Variants in MED13L observed in about 807,000 individuals in gnomAD.
MED13L encodes mediator of RNA polymerase II transcription subunit 13-like.
In MED13L, 7 loss-of-function variants were observed where a neutral mutation model predicts 220.9. That is an observed-to-expected ratio of 0.03 (90% CI 0.02 to 0.06). The LOEUF is 0.06. Ranked by LOEUF, MED13L falls within the 10% of genes least tolerant of loss-of-function variation. The pLI is 1.00. For missense variants in MED13L, 1,965 were observed against 2,760.5 expected (o/e 0.71, Z 6.46); for synonymous variants, 1,011 against 1,015.2 (o/e 1.00, Z 0.08).
chr12:116,239,866 G>A (rs1449237972), intron 1 of MED13L, among the ~76,000 whole-genome samples: 1 of 152,180 alleles, frequency 6.6e-6, no homozygotes, highest in Non-Finnish European at 1.5e-5. Flanking sequence ...TGTTCTGCTA[G>A]GAGGAAATCA....
chr12:116,038,789 G>A (rs1881351232), intron 4 of MED13L, among the ~76,000 whole-genome samples: 1 of 140,422 alleles, frequency 7.1e-6, no homozygotes, highest in South Asian at 2.3e-4. Context: ...CTGCTAACGA[G>A]TACTGGTGCT....
rs1204134329 is a variant in MED13L at position 116,096,803 on chromosome 12, T to G, written c.396-51A>C. ...TTTTATAGTATCAGTAACAAATTAGTAAGTCGCTGAAGCAATACACCAGAT... is the reference window on the plus strand; with the variant it reads ...TTTTATAGTATCAGTAACAAATTAGGAAGTCGCTGAAGCAATACACCAGAT... On this transcript the variant is annotated intron_variant, in intron 3 of 30. Transcript: ENST00000281928. 2.9e-6 allele frequency: 4 copies of G among 1,383,628 alleles called. No homozygotes were observed. The African/African-American group carries it at 5.7e-5, about 20-fold the overall frequency. The allele number at this position is 1,383,628 out of a possible 1,614,324, so 85.7% of individuals were successfully genotyped here.
At chr12:116,262,118 T>C (rs746827434) in intron 1 of MED13L, among the ~76,000 whole-genome samples, 5 of 152,166 alleles carry the variant, frequency 3.3e-5, no homozygotes, top group Non-Finnish European at 5.9e-5. Flanking sequence ...TATTAAAAAA[T>C]AGGTATTAAA....
chr12:116,031,816 GA>G lies in MED13L; in HGVS notation c.480-9216del, dbSNP rs1208931383. On this transcript the variant is annotated intron_variant, in intron 4 of 30. Transcript: ENST00000281928. ...GGAAGGAAGGAAAGAAAGAGAGAAA[GA>G]AAAAAAGAAAGAAAGTGGTGATGCT... Among the ~76,000 whole-genome samples, 12 of 150,688 alleles carry G rather than the reference GA, an allele frequency of 8.0e-5. 1 individual carries two copies. Among genetic ancestry groups the G allele is most frequent in the African/African-American group, 2.2e-4 (9 of 40,996 alleles).
Position 116,237,470 on chromosome 12 carries a change from T to C in MED13L, c.308A>G (p.Gln103Arg). The change falls in exon 2 of 31, where the codon CAG becomes CGG. Residue 103 changes from glutamine (Q) to arginine (R), a missense_variant and splice_region_variant. Physicochemically the swap from Gln to Arg is conservative, Grantham distance 43. Around this residue, in one of 10 missense-constraint regions of MED13L, gnomAD observed 818 missense variants for 1,041.2 expected, o/e 0.79. Coordinates refer to ENST00000281928, the MANE Select transcript of MED13L (RefSeq NM_015335.5). ...TAAGAAAAAAACAGAAACCTTACCC[T>C]GCAGTTCATGATGTATTACACCCAC... ...NLVGVIHHEL[Q>R]VVEEGLWENG... is the part of the protein sequence containing the mutation. 1.2e-6 allele frequency: 2 copies of C among 1,601,200 alleles called. No individual in the cohort carries two copies. The highest frequency in any genetic ancestry group is 1.7e-6 in the Non-Finnish European group (2 of 1,168,142).
chr12:116,272,737 G>A (rs1205232660), intron 1 of MED13L, among the ~76,000 whole-genome samples: 1 of 152,124 alleles, frequency 6.6e-6, no homozygotes, highest in East Asian at 1.9e-4. Flanking sequence ...GTAGCATACA[G>A]GCCTAAGGTA....
chr12:116,072,679 C>T (rs1870479787), intron 4 of MED13L, among the ~76,000 whole-genome samples: 1 of 152,112 alleles, frequency 6.6e-6, no homozygotes, highest in African/African-American at 2.4e-5. Flanking sequence ...GTCTTGAACT[C>T]CTTGTTAAGC....
At chr12:116,267,454 T>C (rs1872916294) in intron 1 of MED13L, among the ~76,000 whole-genome samples, 1 of 152,202 alleles carries the variant, frequency 6.6e-6, no homozygotes, top group Admixed American at 6.5e-5. Flanking sequence ...ACTCTATAAC[T>C]TTAGTTGTAA....
intron 2 of MED13L, among the ~76,000 whole-genome samples, chr12:116,203,401 GTGTTT>G (rs1045954261): frequency 8.7e-5 from 13 of 149,798 alleles, no homozygotes; most frequent in Admixed American, 2.0e-4. Context: ...GTTTTAAAAG[GTGTTT>G]TGTTTTGTGT....
intron 2 of MED13L, among the ~76,000 whole-genome samples, chr12:116,138,483 C>T (rs1385196443): frequency 6.6e-6 from 1 of 152,134 alleles, no homozygotes; most frequent in East Asian, 1.9e-4. Context: ...AGGGAAGCAG[C>T]GGCCAAGCTG....
Position 116,024,536 on chromosome 12 carries a change from C to A in MED13L, c.480-1935G>T, listed in dbSNP as rs541174552. On this transcript the variant is annotated intron_variant, in intron 4 of 30. Transcript: ENST00000281928. Reference sequence around the variant, plus strand: ...GATATTCCAGATATTAATCCCCTGTCAGATATATAGTTTGCAAATATTTTC... The same window carrying A: ...GATATTCCAGATATTAATCCCCTGTAAGATATATAGTTTGCAAATATTTTC... Among the ~76,000 whole-genome samples, 3 of 152,284 alleles carry A rather than the reference C, an allele frequency of 2.0e-5. No homozygotes were observed. The East Asian group carries it at 5.8e-4, about 29-fold the overall frequency.
intron 4 of MED13L, among the ~76,000 whole-genome samples, chr12:116,052,466 C>G (rs994846739): frequency 3.9e-5 from 6 of 152,134 alleles, no homozygotes; most frequent in African/African-American, 1.4e-4. Flanking sequence ...GAAAATTGCT[C>G]TAATATTTTA....
In MED13L at chr12:116,022,597, G is replaced by A; in HGVS notation, c.484C>T (p.His162Tyr). The A allele has an allele frequency of 6.2e-7, 1 of 1,611,822 alleles. No individual in the cohort carries two copies. Among genetic ancestry groups the A allele is most frequent in the Non-Finnish European group, 8.5e-7 (1 of 1,178,858 alleles). Residue 162 changes from histidine to tyrosine, a missense_variant, in exon 5 of 31, where the codon CAT becomes TAT. Physicochemically the swap from His to Tyr is moderately conservative, Grantham distance 83 (BLOSUM62 2). Coordinates refer to ENST00000281928, the MANE Select transcript of MED13L (RefSeq NM_015335.5). ...AAGAATGTGAAAGCACAGGACAAAT[G>A]CTCACTACAAAAGAGAGAATGAGAA... is the stretch of plus-strand genomic sequence containing the variant. ...KDEKPVNKSE[H>Y]LSCAFTFFLH...
At chr12:116,200,063 G>C (rs1176205792) in intron 2 of MED13L, among the ~76,000 whole-genome samples, 1 of 137,704 alleles carries the variant, frequency 7.3e-6, no homozygotes, top group Admixed American at 7.6e-5. Context: ...GATGGCCAAG[G>C]CAGGAGGATG....
At chr12:116,159,470 T>C (rs1322267594) in intron 2 of MED13L, among the ~76,000 whole-genome samples, 3 of 152,180 alleles carry the variant, frequency 2.0e-5, no homozygotes, top group Admixed American at 2.0e-4. Context: ...ATTACTTTTA[T>C]ATATAATTAG....
intron 3 of MED13L, among the ~76,000 whole-genome samples, chr12:116,107,658 C>A (rs1241274646): frequency 1.3e-5 from 2 of 152,138 alleles, no homozygotes; most frequent in African/African-American, 4.8e-5. Context: ...TTTAATTAAA[C>A]CTATCTTATG....
chr12:116,162,573 A>T (rs1436735630), intron 2 of MED13L, among the ~76,000 whole-genome samples: 1 of 152,196 alleles, frequency 6.6e-6, no homozygotes, highest in Non-Finnish European at 1.5e-5. Context: ...AGACATTTTA[A>T]ATTTTTTAAT....
chr12:116,091,593 A>C (rs144670499), intron 4 of MED13L, among the ~76,000 whole-genome samples: 4 of 152,210 alleles, frequency 2.6e-5, no homozygotes, highest in African/African-American at 9.6e-5. Flanking sequence ...CCTTCCTGGA[A>C]TCAACAGTTT....
At chr12:116,115,908 G>A (rs1193852379) in intron 2 of MED13L, among the ~76,000 whole-genome samples, 1 of 152,178 alleles carries the variant, frequency 6.6e-6, no homozygotes, top group African/African-American at 2.4e-5. Flanking sequence ...ATATACTGCT[G>A]GTTGGAATGC....
Sources: allele counts gnomAD v4.1 joint callset (sites outside exome capture counted in the v4.1 genomes callset), GRCh38; gene constraint gnomAD v4.1.1; regional missense constraint gnomAD v4.1.1; transcripts MANE v1.5; gene names NCBI Gene and HGNC (gene_info 2026-07-23, HGNC 2026-07-21).